Variants in TPP2 observed in about 807,000 individuals in gnomAD.
TPP2 encodes tripeptidyl peptidase 2, also known as tripeptidyl-peptidase 2.
A neutral mutation model predicts 155.9 loss-of-function variants in TPP2; 34 were observed. The ratio of observed to expected loss-of-function variants is 0.22; its 90% CI spans 0.17 to 0.29. The LOEUF is 0.29. TPP2 is among the 10% of genes least tolerant of loss of function. The pLI is 1.00. For missense variants in TPP2, 1,028 were observed against 1,522.3 expected (o/e 0.68, Z 5.40); for synonymous variants, 510 against 529.4 (o/e 0.96, Z 0.50).
At chr13:102,675,928 C>T (rs1885257518) in intron 28 of TPP2, among the ~76,000 whole-genome samples, 1 of 152,046 alleles carries the variant, frequency 6.6e-6, no homozygotes, top group South Asian at 2.1e-4. Flanking sequence ...TAATCTAATA[C>T]TTGTTTTTTT....
intron 1 of TPP2, among the ~76,000 whole-genome samples, chr13:102,600,894 T>C (rs547906511): frequency 1.9e-4 from 29 of 151,982 alleles, no homozygotes; most frequent in Non-Finnish European, 2.5e-4. Context: ...TTTTTTTTTT[T>C]CCCTCAAAGA....
intron 17 of TPP2, among the ~76,000 whole-genome samples, chr13:102,644,167 A>G (rs1882948651): frequency 6.6e-6 from 1 of 152,180 alleles, no homozygotes; most frequent in South Asian, 2.1e-4. Flanking sequence ...CCCAAACTCA[A>G]TTGTGCCTAT....
intron 25 of TPP2, among the ~76,000 whole-genome samples, chr13:102,660,435 T>TAA (rs1884129598): frequency 8.9e-6 from 1 of 111,754 alleles, no homozygotes; most frequent in African/African-American, 3.9e-5. Context: ...GGAACATGTT[T>TAA]AACAAGAGAT....
chr13:102,626,950 G>GA, intron 6 of TPP2, 62 bp from the exon 7 acceptor site: 1 of 1,411,842 alleles, frequency 7.1e-7, no homozygotes, highest in African/African-American at 1.5e-5. Flanking sequence ...TATGCAAATT[G>GA]AATTGAATAA....
chr13:102,617,637 T>C (rs1048123988), intron 4 of TPP2, among the ~76,000 whole-genome samples: 1 of 152,230 alleles, frequency 6.6e-6, no homozygotes, highest in African/African-American at 2.4e-5. Context: ...AGTTGCTGAA[T>C]TGAGATTTGA....
chr13:102,655,754 G>A lies in TPP2; in HGVS notation c.2992-1302G>A, dbSNP rs181770459. ...CCCTGACACTGTTCTTGTCCGGGGG[G>A]GTCAGTAGGCTCTGTGCTGCCGGGT... On this transcript the variant is annotated intron_variant, in intron 24 of 29. Coordinates refer to ENST00000376052, the MANE Select transcript of TPP2 (RefSeq NM_001330588.2). Among the ~76,000 whole-genome samples the A allele has an allele frequency of 3.3e-3, 509 of 152,128 alleles. 2 individuals are homozygous for A. Among genetic ancestry groups the A allele is most frequent in the Middle Eastern group, 0.014 (4 of 294 alleles).
At chr13:102,661,058 T>A (rs694941) in intron 25 of TPP2, among the ~76,000 whole-genome samples, 1 of 151,802 alleles carries the variant, frequency 6.6e-6, no homozygotes, top group Non-Finnish European at 1.5e-5. Context: ...CATGACCTTA[T>A]ATTTGGCAAA....
intron 5 of TPP2, among the ~76,000 whole-genome samples, chr13:102,619,554 C>G (rs1481127694): frequency 1.3e-5 from 2 of 152,204 alleles, no homozygotes; most frequent in African/African-American, 4.8e-5. Flanking sequence ...ACACACAGAT[C>G]ATGCCATGAC....
At chr13:102,667,624 C>A in intron 27 of TPP2, 1 of 476,212 alleles carries the variant, frequency 2.1e-6, no homozygotes, top group Non-Finnish European at 2.7e-6. Context: ...CAGTACAAAA[C>A]CTAAGGAGAG....
chr13:102,612,850 G>A (rs543226560), intron 2 of TPP2, among the ~76,000 whole-genome samples: 1 of 152,176 alleles, frequency 6.6e-6, no homozygotes, highest in South Asian at 2.1e-4. Context: ...CTATTTTGCA[G>A]TTATTTTAAT....
At chr13:102,640,808 C>T (rs1298187309) in intron 16 of TPP2, among the ~76,000 whole-genome samples, 6 of 151,900 alleles carry the variant, frequency 3.9e-5, no homozygotes, top group East Asian at 1.9e-4. Context: ...TGTGCTACCA[C>T]GCCAGGCTAT....
chr13:102,642,175 T>C (rs1336094526), intron 16 of TPP2, among the ~76,000 whole-genome samples: 2 of 152,190 alleles, frequency 1.3e-5, no homozygotes, highest in Non-Finnish European at 2.9e-5. Flanking sequence ...ACTTGGTACA[T>C]AGCTTGTCTT....
At position 102,622,939 on chromosome 13, in the gene TPP2, A is replaced by C; in HGVS notation, c.683A>C (p.Lys228Thr). 2.5e-6 allele frequency: 4 copies of C among 1,614,190 alleles called. No individual in the cohort carries two copies. The highest frequency in any genetic ancestry group is 1.7e-5 in the Admixed American group (1 of 60,022). ...LSKSTVLRNY[K>T]EAQEYGSFGT... is the part of the protein sequence containing the mutation. The stretch of plus-strand genomic sequence containing the variant: ...AAATCTACCGTGTTGAGAAACTACA[A>C]AGAAGCCCAAGAATATGGCTCTTTT... Residue 228 changes from lysine (K) to threonine (T), a missense_variant, in exon 6 of 30, where the codon AAA becomes ACA. By Grantham distance (78) the Lys-to-Thr change is moderately conservative. Around this residue, in one of 7 missense-constraint regions of TPP2, gnomAD observed 300 missense variants for 398.3 expected, o/e 0.75. Coordinates refer to ENST00000376052, the MANE Select transcript of TPP2 (RefSeq NM_001330588.2).
At chr13:102,671,662 T>G (rs1211470088) in intron 27 of TPP2, among the ~76,000 whole-genome samples, 10 of 152,188 alleles carry the variant, frequency 6.6e-5, no homozygotes, top group Admixed American at 6.5e-4. Flanking sequence ...AGAGCTCCCC[T>G]TCTAATGCCG....
chr13:102,677,377 C>T (rs966895166), intron 29 of TPP2, among the ~76,000 whole-genome samples: 8 of 152,162 alleles, frequency 5.3e-5, no homozygotes, highest in Non-Finnish European at 1.2e-4. Context: ...CTCTGCCCCC[C>T]CCGCTGCCTG....
intron 19 of TPP2, among the ~76,000 whole-genome samples, chr13:102,645,527 C>T (rs940671127): frequency 6.6e-6 from 1 of 152,130 alleles, no homozygotes; most frequent in African/African-American, 2.4e-5. Flanking sequence ...CGGCATGAAG[C>T]CTAGTCTTAA....
At chr13:102,627,981 G>A in intron 8 of TPP2, 57 bp downstream of exon 8, 3 of 1,384,628 alleles carry the variant, frequency 2.2e-6, no homozygotes, top group Non-Finnish European at 2.0e-6. Flanking sequence ...AAGAGTATGA[G>A]ATGTTTTTCA....
At chr13:102,605,767 A>G (rs1045321953) in intron 2 of TPP2, among the ~76,000 whole-genome samples, 6 of 144,764 alleles carry the variant, frequency 4.1e-5, no homozygotes, top group African/African-American at 1.6e-4. Flanking sequence ...TCCGTTGCTC[A>G]GGCTAGAGTG....
chr13:102,629,327 A>T (rs758949852), intron 8 of TPP2, among the ~76,000 whole-genome samples, 155 bp from the exon 9 acceptor site: 4 of 152,164 alleles, frequency 2.6e-5, no homozygotes, highest in African/African-American at 9.7e-5. Context: ...CTAAAGCCCA[A>T]GTAGGGTATA....
Sources: allele counts gnomAD v4.1 joint callset (sites outside exome capture counted in the v4.1 genomes callset), GRCh38; gene constraint gnomAD v4.1.1; regional missense constraint gnomAD v4.1.1; transcripts MANE v1.5; gene names NCBI Gene and HGNC (gene_info 2026-07-23, HGNC 2026-07-21).